VPS13A: variants seen among roughly 807,000 people sequenced by gnomAD.
The protein encoded by VPS13A is intermembrane lipid transfer protein VPS13A.
VPS13A carries 264 observed loss-of-function variants against 390.9 expected under a neutral mutation model. The ratio of observed to expected loss-of-function variants is 0.68; its 90% CI spans 0.61 to 0.75. VPS13A has a LOEUF of 0.75. Among genes scored for constraint, VPS13A ranks in the 30% least tolerant of loss-of-function variants. The pLI, the probability that VPS13A is intolerant of heterozygous loss-of-function variation, is 0.00. For synonymous variants in VPS13A, 1,231 were observed against 1,227.1 expected (o/e 1.00, Z -0.07); for missense variants, 3,409 against 3,733.9 (o/e 0.91, Z 2.27).
rs10115162 is a variant in VPS13A, at chr9:77,247,586, T to C, written c.2037+191T>C. 0.2 allele frequency among the ~76,000 whole-genome samples: 30,858 copies of C among 152,168 alleles called. 3,323 individuals carry two copies. Among genetic ancestry groups the C allele is most frequent in the Middle Eastern group, 0.25 (73 of 292 alleles). ...CAATTAGGTAGTTTTCCTACACTTATGAAAGCAAAATGACCAATTAAACTC... is the reference window on the plus strand; with the variant it reads ...CAATTAGGTAGTTTTCCTACACTTACGAAAGCAAAATGACCAATTAAACTC... On this transcript the variant is annotated intron_variant, in intron 20 of 71. Transcript: ENST00000360280.
At chr9:77,315,200 T>G (rs1829317404) in intron 37 of VPS13A, 53 bp from the exon 38 acceptor site, 2 of 1,502,996 alleles carry the variant, frequency 1.3e-6, no homozygotes, top group Admixed American at 1.7e-5. Flanking sequence ...CTCATATGTT[T>G]GATTACTTCT....
chr9:77,186,413 C>A (rs1348936696), intron 1 of VPS13A, among the ~76,000 whole-genome samples: 1 of 152,048 alleles, frequency 6.6e-6, no homozygotes, highest in Admixed American at 6.6e-5. Flanking sequence ...CATTTTCCTT[C>A]TTTCTGAAGA....
rs1048204621 is a variant in VPS13A, at chr9:77,200,100, A to G, written c.144+112A>G. The G allele has an allele frequency of 6.3e-5, 67 of 1,059,784 alleles. No individual in the cohort carries two copies. The East Asian group carries it at 1.7e-3, about 27-fold the overall frequency. The allele number at this position is 1,059,784 out of a possible 1,614,324, so 65.6% of individuals were successfully genotyped here. ...TTAAATTTGAGAAAGTTTTTTGTAA[A>G]TAATTTTTGCAAAATGTAAATTTTG... On this transcript the variant is annotated intron_variant, in intron 2 of 71. Coordinates refer to ENST00000360280, the MANE Select transcript of VPS13A (RefSeq NM_033305.3).
chr9:77,300,674 G>C (rs1389869303), intron 33 of VPS13A, among the ~76,000 whole-genome samples: 1 of 152,228 alleles, frequency 6.6e-6, no homozygotes, highest in East Asian at 1.9e-4. Flanking sequence ...TGAGACTGCA[G>C]TGACCTGTGT....
chr9:77,380,879 G>T (rs752170253), intron 67 of VPS13A, among the ~76,000 whole-genome samples: 28 of 152,182 alleles, frequency 1.8e-4, no homozygotes, highest in Non-Finnish European at 4.1e-4. Flanking sequence ...AGAATCTGAT[G>T]CCGCTGCTGA....
chr9:77,278,102 G>A (rs942684371), intron 26 of VPS13A, among the ~76,000 whole-genome samples: 14 of 151,654 alleles, frequency 9.2e-5, no homozygotes, highest in Middle Eastern at 3.4e-3. Context: ...ATGGAGTCTC[G>A]CTCTGTTGCC....
intron 45 of VPS13A, among the ~76,000 whole-genome samples, chr9:77,323,828 T>G (rs1411852292): frequency 6.6e-6 from 1 of 152,204 alleles, no homozygotes; most frequent in Non-Finnish European, 1.5e-5. Context: ...AGAAAAATTT[T>G]GTATGTATGT....
Position 77,295,099 on chromosome 9 carries a change from AT to A in VPS13A, c.3508-441del, listed in dbSNP as rs530632819. ...AGGTATAAGAGTATAAATATAGATA[AT>A]TATATTTTATGTCATTGAAGTTTTT... On this transcript the variant is annotated intron_variant, in intron 32 of 71. Coordinates refer to ENST00000360280, the MANE Select transcript of VPS13A (RefSeq NM_033305.3). 8.4e-3 allele frequency among the ~76,000 whole-genome samples: 1,285 copies of A among 152,156 alleles called. 9 individuals carry two copies. Among genetic ancestry groups the A allele is most frequent in the South Asian group, 0.014 (67 of 4,822 alleles).
At chr9:77,308,579 T>C (rs1002273186) in intron 35 of VPS13A, among the ~76,000 whole-genome samples, 2 of 152,096 alleles carry the variant, frequency 1.3e-5, no homozygotes, top group Non-Finnish European at 2.9e-5. Context: ...TTAACAAATA[T>C]TTGGGAGATG....
intron 71 of VPS13A, among the ~76,000 whole-genome samples, chr9:77,414,773 C>T (rs1457630277): frequency 1.0e-5 from 1 of 98,506 alleles, no homozygotes; most frequent in Non-Finnish European, 2.2e-5. Context: ...ATAATAAAAA[C>T]TTAGAGTAAG....
chr9:77,344,749 A>C (rs926390749), intron 51 of VPS13A, among the ~76,000 whole-genome samples: 1 of 150,478 alleles, frequency 6.6e-6, no homozygotes. Context: ...ACAGAGCAAG[A>C]CTCCGTCTCA....
At chr9:77,415,538 A>G (rs1835137275) in intron 71 of VPS13A, among the ~76,000 whole-genome samples, 1 of 152,192 alleles carries the variant, frequency 6.6e-6, no homozygotes, top group Admixed American at 6.5e-5. Context: ...ATATTGTGAG[A>G]GCACCTAAAA....
intron 35 of VPS13A, 38 bp downstream of exon 35, chr9:77,308,136 T>A: frequency 1.2e-6 from 2 of 1,606,400 alleles, no homozygotes; most frequent in South Asian, 2.2e-5. Flanking sequence ...TGCTTTCCTC[T>A]TTCTCTCTTT....
At chr9:77,281,757 A>ATATG in intron 27 of VPS13A, 110 bp from the exon 28 acceptor site, 1 of 605,842 alleles carries the variant, frequency 1.7e-6, no homozygotes, top group Non-Finnish European at 3.0e-6. Flanking sequence ...ATATATATAT[A>ATATG]TGTATATGAA....
chr9:77,385,089 A>G, intron 68 of VPS13A: 1 of 993,568 alleles, frequency 1.0e-6, no homozygotes, highest in Non-Finnish European at 1.2e-6. Context: ...TGTGTAAAAA[A>G]AAAGGAAGAA....
chr9:77,372,691 A>G (rs1045148523), intron 67 of VPS13A, among the ~76,000 whole-genome samples: 2 of 152,180 alleles, frequency 1.3e-5, no homozygotes. Flanking sequence ...GAGGAAGTCA[A>G]ATTGTCCCTG....
intron 24 of VPS13A, among the ~76,000 whole-genome samples, chr9:77,273,981 C>T (rs893656330): frequency 2.0e-5 from 3 of 151,984 alleles, no homozygotes; most frequent in African/African-American, 7.3e-5. Context: ...TTTCGAGTGG[C>T]GTATTTTGGT....
chr9:77,340,015 C>T (rs1175024427), intron 48 of VPS13A, 104 bp downstream of exon 48: 2 of 1,458,482 alleles, frequency 1.4e-6, no homozygotes, highest in African/African-American at 1.4e-5. Context: ...ATAGAAATAA[C>T]TTGTTAAATA....
intron 50 of VPS13A, chr9:77,340,752 C>A: frequency 1.7e-6 from 1 of 586,196 alleles, no homozygotes; most frequent in Non-Finnish European, 2.9e-6. Flanking sequence ...CTAGGAATGC[C>A]CAGCTTGTTA....
Sources: allele counts gnomAD v4.1 joint callset (sites outside exome capture counted in the v4.1 genomes callset), GRCh38; gene constraint gnomAD v4.1.1; transcripts MANE v1.5; gene names NCBI Gene and HGNC (gene_info 2026-07-23, HGNC 2026-07-21).